Variants in CNTNAP2 observed in about 807,000 individuals in gnomAD.
CNTNAP2 encodes contactin associated protein 2, also known as contactin-associated protein-like 2.
Under a neutral mutation model 155.2 loss-of-function variants are expected in CNTNAP2, and 98 were observed. The ratio of observed to expected loss-of-function variants is 0.63; its 90% CI spans 0.54 to 0.75. The LOEUF (loss-of-function observed/expected upper bound fraction) is 0.75, where lower values mean the gene tolerates loss of function less well. Among genes scored for constraint, CNTNAP2 ranks in the 30% least tolerant of loss-of-function variants. CNTNAP2 has a pLI of 0.00. For synonymous variants in CNTNAP2, 651 were observed against 631.2 expected (o/e 1.03, Z -0.47); for missense variants, 1,727 against 1,688.1 (o/e 1.02, Z -0.40).
intron 3 of CNTNAP2, among the ~76,000 whole-genome samples, chr7:146,890,454 T>G (rs1795752879): frequency 6.6e-6 from 1 of 152,212 alleles, no homozygotes; most frequent in South Asian, 2.1e-4. Flanking sequence ...ATGGCACCAC[T>G]TTTTAAAATT....
intron 14 of CNTNAP2, among the ~76,000 whole-genome samples, chr7:147,933,646 C>G (rs1800551189): frequency 6.6e-6 from 1 of 152,152 alleles, no homozygotes; most frequent in African/African-American, 2.4e-5. Flanking sequence ...AGGCAGATCA[C>G]TTGAGGTCAG....
chr7:146,472,338 C>G (rs772654863), intron 1 of CNTNAP2, among the ~76,000 whole-genome samples: 3 of 152,066 alleles, frequency 2.0e-5, no homozygotes, highest in South Asian at 2.1e-4. Context: ...TTATTATGTT[C>G]CATATTTTAA....
rs1354076042 is a variant in CNTNAP2 at position 146,163,585 on chromosome 7, C to CTATCTA, written c.97+46615_97+46616insCTATAT. ...TATCTATCTATATCTATCTATCTAT[C>CTATCTA]TATATATATATATATATCAGGGCGT... is the stretch of plus-strand genomic sequence containing the variant. On this transcript the variant is annotated intron_variant, in intron 1 of 23. Transcript: ENST00000361727. Among the ~76,000 whole-genome samples the CTATCTA allele has an allele frequency of 3.2e-3, 295 of 91,210 alleles. 1 individual carries two copies. The highest frequency in any genetic ancestry group is 0.011 in the African/African-American group (284 of 24,960). The allele number at this position is 91,210 out of a possible 152,430, so 59.8% of individuals were successfully genotyped here.
intron 20 of CNTNAP2, among the ~76,000 whole-genome samples, chr7:148,238,221 C>T (rs147071707): frequency 3.2e-4 from 49 of 152,244 alleles, no homozygotes; most frequent in African/African-American, 1.0e-3. Flanking sequence ...TGGGGGTGCA[C>T]GCCTGTAGTC....
chr7:146,378,573 G>A (rs1291307753), intron 1 of CNTNAP2, among the ~76,000 whole-genome samples: 1 of 152,084 alleles, frequency 6.6e-6, no homozygotes, highest in East Asian at 1.9e-4. Context: ...TGTAGAAATG[G>A]TATATAATTT....
At chr7:146,769,386 T>C (rs563429527) in intron 1 of CNTNAP2, among the ~76,000 whole-genome samples, 1 of 152,330 alleles carries the variant, frequency 6.6e-6, no homozygotes, top group African/African-American at 2.4e-5. Flanking sequence ...ATACATGTTT[T>C]AGTACAACAA....
chr7:148,263,117 G>A (rs902184970), intron 20 of CNTNAP2: 5 of 151,284 alleles, frequency 3.3e-5, no homozygotes, highest in Non-Finnish European at 2.9e-5. Flanking sequence ...AGACTGATCG[G>A]AGAACGCTTT....
At chr7:147,013,283 G>A (rs1412103474) in intron 3 of CNTNAP2, among the ~76,000 whole-genome samples, 1 of 152,030 alleles carries the variant, frequency 6.6e-6, no homozygotes, top group Non-Finnish European at 1.5e-5. Context: ...CAGTTGTGGT[G>A]TACTAAATAT....
intron 18 of CNTNAP2, among the ~76,000 whole-genome samples, chr7:148,183,329 C>A (rs1239405463): frequency 2.6e-5 from 4 of 151,956 alleles, no homozygotes; most frequent in Non-Finnish European, 4.4e-5. Context: ...ATTCTGAGGG[C>A]GTAATTTGGG....
At chr7:146,963,570 AAC>A (rs1262159987) in intron 3 of CNTNAP2, among the ~76,000 whole-genome samples, 2 of 152,182 alleles carry the variant, frequency 1.3e-5, no homozygotes, top group Admixed American at 6.5e-5. Context: ...TCAAGAATAA[AAC>A]ACAATGTCTT....
intron 21 of CNTNAP2, among the ~76,000 whole-genome samples, chr7:148,315,273 C>T (rs1797667831): frequency 6.6e-6 from 1 of 152,118 alleles, no homozygotes; most frequent in Admixed American, 6.6e-5. Context: ...TTTATTTCAC[C>T]TGGGTGCAGG....
intron 13 of CNTNAP2, among the ~76,000 whole-genome samples, chr7:147,899,100 G>A (rs187485995): frequency 6.6e-6 from 1 of 152,294 alleles, no homozygotes; most frequent in East Asian, 1.9e-4. Flanking sequence ...AGCACTTTGA[G>A]AGGCAGAAGC....
chr7:147,569,852 C>T (rs918511848), intron 12 of CNTNAP2, among the ~76,000 whole-genome samples: 1 of 152,218 alleles, frequency 6.6e-6, no homozygotes, highest in Admixed American at 6.5e-5. Flanking sequence ...TCTTGCCAGG[C>T]TGAGACCAAG....
chr7:148,188,971 T>C (rs902532515), intron 18 of CNTNAP2, among the ~76,000 whole-genome samples: 14 of 152,212 alleles, frequency 9.2e-5, no homozygotes, highest in African/African-American at 3.4e-4. Flanking sequence ...TTGTAAATAA[T>C]ACTGCAGTAA....
chr7:147,872,389 T>C (rs955474990), intron 13 of CNTNAP2, among the ~76,000 whole-genome samples: 6 of 152,184 alleles, frequency 3.9e-5, no homozygotes, highest in Non-Finnish European at 7.3e-5. Context: ...TAAATATTAT[T>C]TAACTTATGC....
chr7:146,363,417 TG>T (rs1409120784), intron 1 of CNTNAP2, among the ~76,000 whole-genome samples: 32 of 152,336 alleles, frequency 2.1e-4, no homozygotes, highest in African/African-American at 7.5e-4. Context: ...CTTGAGTTCA[TG>T]GGAACAGATT....
At chr7:146,244,299 A>G (rs1584822984) in intron 1 of CNTNAP2, among the ~76,000 whole-genome samples, 2 of 152,104 alleles carry the variant, frequency 1.3e-5, no homozygotes, top group East Asian at 3.9e-4. Flanking sequence ...AACAGTGTAA[A>G]CCGGCAGTGT....
chr7:147,366,952 C>G (rs1029566647), intron 9 of CNTNAP2, among the ~76,000 whole-genome samples: 2 of 152,052 alleles, frequency 1.3e-5, no homozygotes, highest in African/African-American at 4.8e-5. Flanking sequence ...CTGTATATTT[C>G]CTAATTGTCG....
chr7:146,665,783 T>TAAAAAAAA lies in CNTNAP2; in HGVS notation c.98-108480_98-108473dup, dbSNP rs750837961. ...GCTATGGAGTGAGACTCTGTCTCAT[T>TAAAAAAAA]AAAAAAAAAAAAAAATACATTTTGT... On this transcript the variant is annotated intron_variant, in intron 1 of 23. Transcript: ENST00000361727. Among the ~76,000 whole-genome samples the TAAAAAAAA allele has an allele frequency of 7.5e-4, 36 of 48,286 alleles. 6 individuals are homozygous for TAAAAAAAA. Among genetic ancestry groups the TAAAAAAAA allele is most frequent in the East Asian group, 1.2e-3 (2 of 1,690 alleles). 31.7% of individuals were successfully genotyped at this position (48,286 alleles called of 152,430 possible). A position where few individuals can be genotyped will look rare whatever the true frequency, so the allele number is the denominator to read the frequency against.
Sources: gnomAD v4.1 joint callset for allele counts (sites outside exome capture counted in the v4.1 genomes callset) on GRCh38, gnomAD v4.1.1 for gene constraint, MANE v1.5 for transcripts, NCBI Gene and HGNC (gene_info 2026-07-23, HGNC 2026-07-21) for gene names.